Variants in NR5A2 observed in about 807,000 individuals in gnomAD.
NR5A2 encodes the protein nuclear receptor subfamily 5 group A member 2.
A neutral mutation model predicts 62.7 loss-of-function variants in NR5A2; 26 were observed. The observed-to-expected ratio is 0.41, with a 90% CI of 0.30 to 0.58. The LOEUF (loss-of-function observed/expected upper bound fraction) is 0.58. Among genes scored for constraint, NR5A2 ranks in the 20% least tolerant of loss-of-function variants. The pLI, the probability that NR5A2 is intolerant of heterozygous loss-of-function variation, is 0.22. For missense variants in NR5A2, 541 were observed against 669.1 expected (o/e 0.81, Z 2.11); for synonymous variants, 246 against 241.7 (o/e 1.02, Z -0.16).
intron 5 of NR5A2, 63 bp from the exon 6 acceptor site, chr1:200,111,139 A>C (rs1665921679): frequency 6.4e-7 from 1 of 1,568,958 alleles, no homozygotes. Context: ...AAAAACAAAA[A>C]AGTAGTGAAT....
intron 5 of NR5A2, among the ~76,000 whole-genome samples, chr1:200,052,701 G>T (rs1662695803): frequency 6.6e-6 from 1 of 151,790 alleles, no homozygotes. Flanking sequence ...GAGTGCAGTG[G>T]TGCGATCTTG....
At chr1:200,128,914 A>G (rs1289183216) in intron 7 of NR5A2, among the ~76,000 whole-genome samples, 1 of 152,196 alleles carries the variant, frequency 6.6e-6, no homozygotes, top group Non-Finnish European at 1.5e-5. Context: ...TAGTTTTCCA[A>G]TAGTCTTTAG....
intron 7 of NR5A2, among the ~76,000 whole-genome samples, chr1:200,154,073 A>C (rs1653262501): frequency 6.6e-6 from 1 of 152,242 alleles, no homozygotes; most frequent in Non-Finnish European, 1.5e-5. Context: ...ATAATTTTGG[A>C]TATTTTTGTT....
In NR5A2 at chr1:200,147,663, C is replaced by A; in HGVS notation, c.1379-26300C>A. ...TCTTGTCGATTGAGTTGAAGTCGGA[C>A]ACGTGGAAGACATGGGTGGACTTGG... is the stretch of plus-strand genomic sequence containing the variant. On this transcript the variant is annotated intron_variant, in intron 7 of 7. Coordinates refer to ENST00000367362, the MANE Select transcript of NR5A2 (RefSeq NM_205860.3). The surrounding 1 kb of genome is among the most constrained non-coding windows in gnomAD (Gnocchi z 4.9). The A allele has an allele frequency of 8.6e-6, 6 of 700,112 alleles. No individual in the cohort carries two copies. Among genetic ancestry groups the A allele is most frequent in the Non-Finnish European group, 1.3e-5 (5 of 371,768 alleles). The allele number at this position is 700,112 out of a possible 1,614,324, so 43.4% of individuals were successfully genotyped here. A position where few individuals can be genotyped will look rare whatever the true frequency, so the allele number is the denominator to read the frequency against.
At chr1:200,061,541 G>T (rs1663220893) in intron 5 of NR5A2, among the ~76,000 whole-genome samples, 1 of 152,110 alleles carries the variant, frequency 6.6e-6, no homozygotes, top group Non-Finnish European at 1.5e-5. Context: ...GCCTCCCAAA[G>T]TGCTGGGATT....
At position 200,083,967 on chromosome 1, in the gene NR5A2, AAATAATAATAATAAT is replaced by A. The variant is rs149200240; in HGVS notation, c.1111-27208_1111-27194del. On this transcript the variant is annotated intron_variant, in intron 5 of 7. Transcript: ENST00000367362. ...GCAACAAGAGCGAAACTCCATCTCA[AAATAATAATAATAAT>A]AATAATAATAATAATAATAATAATA... is the stretch of plus-strand genomic sequence containing the variant. Among the ~76,000 whole-genome samples the A allele has an allele frequency of 5.5e-3, 788 of 142,716 alleles. 9 individuals are homozygous for A. Among genetic ancestry groups the A allele is most frequent in the African/African-American group, 0.019 (732 of 38,928 alleles). 93.6% of individuals were successfully genotyped at this position (142,716 alleles called of 152,430 possible).
Position 200,099,754 on chromosome 1 carries a change from C to T in NR5A2, c.1111-11448C>T, listed in dbSNP as rs567359041. 1.1e-4 allele frequency among the ~76,000 whole-genome samples: 17 copies of T among 152,154 alleles called. No homozygotes were observed. The South Asian group carries it at 2.5e-3, about 22-fold the overall frequency. ...GACTACAGGCACGTGCCACCATGCC[C>T]GGCTAATTTTTGTATTTTTAGTAGA... is the stretch of plus-strand genomic sequence containing the variant. On this transcript the variant is annotated intron_variant, in intron 5 of 7. Coordinates refer to ENST00000367362, the MANE Select transcript of NR5A2 (RefSeq NM_205860.3).
intron 7 of NR5A2, among the ~76,000 whole-genome samples, chr1:200,159,440 C>T (rs145480577): frequency 2.0e-5 from 3 of 152,018 alleles, no homozygotes; most frequent in Non-Finnish European, 4.4e-5. Context: ...TGGGGTTGGG[C>T]GAGAGCATAA....
chr1:200,036,898 C>A (rs1661804184), intron 1 of NR5A2, among the ~76,000 whole-genome samples: 1 of 152,198 alleles, frequency 6.6e-6, no homozygotes, highest in African/African-American at 2.4e-5. Flanking sequence ...GGGCTTCCCT[C>A]CGTGATACAA....
At chr1:200,165,234 T>G (rs1414530885) in intron 7 of NR5A2, among the ~76,000 whole-genome samples, 1 of 151,888 alleles carries the variant, frequency 6.6e-6, no homozygotes, top group Non-Finnish European at 1.5e-5. Flanking sequence ...ACTCCCCACA[T>G]AACCCCTGCC....
intron 5 of NR5A2, among the ~76,000 whole-genome samples, chr1:200,051,065 C>T: frequency 6.6e-6 from 1 of 152,080 alleles, no homozygotes; most frequent in Non-Finnish European, 1.5e-5. Context: ...TTATAATTAA[C>T]AGTTATTAAT....
intron 2 of NR5A2, among the ~76,000 whole-genome samples, chr1:200,042,429 G>A (rs190800811): frequency 1.3e-5 from 2 of 152,356 alleles, no homozygotes; most frequent in East Asian, 1.9e-4. Flanking sequence ...TCACTGCGGC[G>A]ATACTGTGGC....
chr1:200,114,509 TCCAAAACTTCCTGGCTG>T (rs2102299708), intron 6 of NR5A2, among the ~76,000 whole-genome samples: 1 of 152,248 alleles, frequency 6.6e-6, no homozygotes, highest in African/African-American at 2.4e-5. Flanking sequence ...GTGTCTCCAT[TCCAAAACTTCCTGGCTG>T]TGTCATATTT....
intron 5 of NR5A2, among the ~76,000 whole-genome samples, chr1:200,066,560 A>G (rs1017687276): frequency 6.8e-6 from 1 of 146,230 alleles, no homozygotes; most frequent in Non-Finnish European, 1.5e-5. Flanking sequence ...TCCTCTATAC[A>G]TTCCCTGCCA....
rs1262072163 is a variant in NR5A2 at position 200,127,889 on chromosome 1, T to A, written c.1378+6934T>A. On this transcript the variant is annotated intron_variant, in intron 7 of 7. Coordinates refer to ENST00000367362, the MANE Select transcript of NR5A2 (RefSeq NM_205860.3). ...TTGTATACCAAGGGAGGACTGTACT[T>A]ACTAAGACACTATTTATTTATTTAT... is the stretch of plus-strand genomic sequence containing the variant. Among the ~76,000 whole-genome samples the A allele has an allele frequency of 2.4e-5, 3 of 127,166 alleles. No homozygotes were observed. In the East Asian group the frequency reaches 6.3e-4, roughly 27 times the overall value. The allele number at this position is 127,166 out of a possible 152,430, so 83.4% of individuals were successfully genotyped here.
intron 5 of NR5A2, among the ~76,000 whole-genome samples, chr1:200,069,874 T>TTA (rs1663658156): frequency 8.8e-6 from 1 of 113,036 alleles, no homozygotes; most frequent in African/African-American, 3.5e-5. Context: ...TGTCTCAATA[T>TTA]TACACGTGTC....
chr1:200,052,905 T>G lies in NR5A2; in HGVS notation c.1110+4087T>G, dbSNP rs186225101. Among the ~76,000 whole-genome samples, 142 of 152,246 alleles carry G rather than the reference T, an allele frequency of 9.3e-4. 1 individual carries two copies. Among genetic ancestry groups the G allele is most frequent in the East Asian group, 4.1e-3 (21 of 5,178 alleles). ...TCCGCCCGCCTTGGCCTCCCAAAGT[T>G]CTGGGATTATAGGCATGAGCCACCG... On this transcript the variant is annotated intron_variant, in intron 5 of 7. Transcript: ENST00000367362.
At chr1:200,084,844 C>T (rs1010889108) in intron 5 of NR5A2, among the ~76,000 whole-genome samples, 5 of 152,134 alleles carry the variant, frequency 3.3e-5, no homozygotes, top group African/African-American at 9.7e-5. Flanking sequence ...AACAGGAAAA[C>T]AAATACATTT....
At chr1:200,058,694 G>C (rs1228330530) in intron 5 of NR5A2, among the ~76,000 whole-genome samples, 1 of 150,750 alleles carries the variant, frequency 6.6e-6, no homozygotes, top group Non-Finnish European at 1.5e-5. Flanking sequence ...GGCCAGGCTG[G>C]TCTCAAACTC....
Sources: gnomAD v4.1 joint callset for allele counts (sites outside exome capture counted in the v4.1 genomes callset) on GRCh38, gnomAD v4.1.1 for gene constraint, Gnocchi (gnomAD v3.1) non-coding constraint, MANE v1.5 for transcripts, NCBI Gene and HGNC (gene_info 2026-07-23, HGNC 2026-07-21) for gene names.